SEC61A2: variants seen among roughly 807,000 people sequenced by gnomAD.
SEC61A2 encodes SEC61 translocon subunit alpha 2, also known as protein transport protein Sec61 subunit alpha isoform 2.
SEC61A2 carries 28 observed loss-of-function variants against 59.9 expected under a neutral mutation model. That is an observed-to-expected ratio of 0.47 (90% confidence interval 0.35 to 0.64). The LOEUF is 0.64. Ranked by LOEUF, SEC61A2 falls within the 30% of genes least tolerant of loss-of-function variation. SEC61A2 has a pLI of 0.01. For missense variants in SEC61A2, 340 were observed against 585.9 expected (o/e 0.58, Z 4.33); for synonymous variants, 202 against 214.4 (o/e 0.94, Z 0.50).
Position 12,164,691 on chromosome 10 carries a change from T to C in SEC61A2, c.*237T>C. 7.7e-7 allele frequency: 1 copy of C among 1,299,356 alleles called. No individual in the cohort carries two copies. Among genetic ancestry groups the C allele is most frequent in the Non-Finnish European group, 9.7e-7 (1 of 1,026,106 alleles). The allele number at this position is 1,299,356 out of a possible 1,614,324, so 80.5% of individuals were successfully genotyped here. A position where few individuals can be genotyped will look rare whatever the true frequency, so the allele number is the denominator to read the frequency against. The stretch of plus-strand genomic sequence containing the variant: ...AAAGTACATCTAGTGTTGCCTGTAA[T>C]GCTGGAAACCAGTGTATCTACCTTG... On this transcript the variant is annotated 3_prime_UTR_variant, in exon 12 of 12. Transcript: ENST00000298428. The surrounding 1 kb of genome is among the most constrained non-coding windows in gnomAD (Gnocchi z 7.3).
At position 12,164,140 on chromosome 10, in the gene SEC61A2, T is replaced by C; in HGVS notation, c.1245-128T>C. 9.7e-7 allele frequency: 1 copy of C among 1,034,138 alleles called. No homozygotes were observed. Among genetic ancestry groups the C allele is most frequent in the South Asian group, 1.6e-5 (1 of 63,372 alleles). The allele number at this position is 1,034,138 out of a possible 1,614,324, so 64.1% of individuals were successfully genotyped here. On this transcript the variant is annotated intron_variant, in intron 11 of 11. Coordinates refer to ENST00000298428, the MANE Select transcript of SEC61A2 (RefSeq NM_018144.4). This position sits in a 1 kb window ranked among gnomAD's most constrained non-coding sequence, Gnocchi z 7.3. ...CTGCACACCCCTCCACACTGCAGCC[T>C]GTTCCCTCTGGAGTTCAGGGAGGCT...
intron 6 of SEC61A2, among the ~76,000 whole-genome samples, chr10:12,151,115 C>G (rs771269638): frequency 2.0e-5 from 3 of 150,956 alleles, no homozygotes; most frequent in Non-Finnish European, 4.4e-5. Flanking sequence ...AGCTATTTCT[C>G]TATTGTACAA....
At chr10:12,151,691 A>AT (rs1403527756) in intron 6 of SEC61A2, among the ~76,000 whole-genome samples, 3 of 152,190 alleles carry the variant, frequency 2.0e-5, no homozygotes, top group Admixed American at 1.3e-4. Flanking sequence ...CCAGTTTATT[A>AT]ATATATACAT....
At position 12,139,964 on chromosome 10, in the gene SEC61A2, A is replaced by G. The variant is rs896941051; in HGVS notation, c.142-3153A>G. On this transcript the variant is annotated intron_variant, in intron 3 of 11. Coordinates refer to ENST00000298428, the MANE Select transcript of SEC61A2 (RefSeq NM_018144.4). Reference sequence around the variant, plus strand: ...AGCCTGGGCGACAGAGCGAGACTCCATCTCAAAAAAAAAAAAAAAAAAGAA... The same window carrying G: ...AGCCTGGGCGACAGAGCGAGACTCCGTCTCAAAAAAAAAAAAAAAAAAGAA... Among the ~76,000 whole-genome samples, 384 of 146,270 alleles carry G rather than the reference A, an allele frequency of 2.6e-3. 1 individual carries two copies. The highest frequency in any genetic ancestry group is 4.0e-3 in the Non-Finnish European group (269 of 66,430).
In SEC61A2 at chr10:12,158,053, T is replaced by C; in HGVS notation, c.923T>C (p.Leu308Pro). ...VSNLYVISQM[L>P]SVRFSGNFLV... ...AACCTGTATGTTATTTCCCAGATGC[T>C]GTCTGTTCGATTTAGTGGCAACTTT... Residue 308 changes from leucine (L) to proline (P), a missense_variant, in exon 9 of 12, where the codon CTG becomes CCG. This residue lies in a region of SEC61A2 where 283 missense variants were observed against 483.2 expected (regional missense o/e 0.59). Coordinates refer to ENST00000298428, the MANE Select transcript of SEC61A2 (RefSeq NM_018144.4). This position sits in a 1 kb window ranked among gnomAD's most constrained non-coding sequence, Gnocchi z 5.7. 1 of 1,614,214 alleles carries C rather than the reference T, an allele frequency of 6.2e-7. No individual in the cohort carries two copies. Among genetic ancestry groups the C allele is most frequent in the Non-Finnish European group, 8.5e-7 (1 of 1,180,044 alleles).
At chr10:12,134,162 A>G (rs1833827798) in intron 2 of SEC61A2, among the ~76,000 whole-genome samples, 1 of 152,084 alleles carries the variant, frequency 6.6e-6, no homozygotes, top group African/African-American at 2.4e-5. Flanking sequence ...GCCCACCACC[A>G]TGCCCGGCTA....
In SEC61A2 at chr10:12,155,386, G is replaced by T; in HGVS notation, c.463-392G>T. 1 of 1,534,582 alleles carries T rather than the reference G, an allele frequency of 6.5e-7. No individual in the cohort carries two copies. Among genetic ancestry groups the T allele is most frequent in the South Asian group, 1.2e-5 (1 of 80,778 alleles). Reference sequence around the variant, plus strand: ...CTTGCTATTATACCAGAATTCATCTGACTTTTTACTTCCTTGGAGGTATTT... The same window carrying T: ...CTTGCTATTATACCAGAATTCATCTTACTTTTTACTTCCTTGGAGGTATTT... On this transcript the variant is annotated intron_variant, in intron 6 of 11. Transcript: ENST00000298428. This position sits in a 1 kb window ranked among gnomAD's most constrained non-coding sequence, Gnocchi z 4.3.
At chr10:12,165,623 A>C (rs1461423041), downstream of SEC61A2, 2 of 152,454 alleles carry the variant, frequency 1.3e-5, no homozygotes, top group African/African-American at 4.8e-5. Flanking sequence ...CCCAGTCTCC[A>C]TTTGAAAGAG....
At position 12,158,014 on chromosome 10, in the gene SEC61A2, C is replaced by A; in HGVS notation, c.884C>A (p.Ser295Ter). The A allele has an allele frequency of 6.2e-7, 1 of 1,614,182 alleles. No homozygotes were observed. The highest frequency in any genetic ancestry group is 8.5e-7 in the Non-Finnish European group (1 of 1,180,036). ...YTSNIPIILQ[S>*]ALVSNLYVIS... ...TCCAACATCCCCATCATCCTCCAGTCGGCCCTGGTGTCCAACCTGTATGTT... is the reference window on the plus strand; with the variant it reads ...TCCAACATCCCCATCATCCTCCAGTAGGCCCTGGTGTCCAACCTGTATGTT... The change falls in exon 9 of 12, where the codon TCG becomes TAG. Residue 295 changes from serine to a stop codon, truncating the protein, a stop_gained. Coordinates refer to ENST00000298428, the MANE Select transcript of SEC61A2 (RefSeq NM_018144.4). LOFTEE classifies it high-confidence loss of function. The surrounding 1 kb of genome is among the most constrained non-coding windows in gnomAD (Gnocchi z 5.7).
chr10:12,169,620 G>A (rs1479283585), downstream of SEC61A2: 2 of 276,030 alleles, frequency 7.2e-6, no homozygotes, highest in East Asian at 7.1e-5. The surrounding 1 kb of genome is among the most constrained non-coding windows in gnomAD (Gnocchi z 4.8). Flanking sequence ...GAGCTGTCGA[G>A]GTGGCTTCTA....
intron 3 of SEC61A2, among the ~76,000 whole-genome samples, chr10:12,139,781 C>T (rs1201652021): frequency 1.3e-5 from 2 of 151,080 alleles, no homozygotes. Context: ...GAGACTCCGT[C>T]TCAAAAAATA....
At chr10:12,159,079 GC>G (rs1834472894) in intron 9 of SEC61A2, among the ~76,000 whole-genome samples, 1 of 151,204 alleles carries the variant, frequency 6.6e-6, no homozygotes, top group Non-Finnish European at 1.5e-5. Flanking sequence ...CCGGGTTCAT[GC>G]CATTCTCCTG....
chr10:12,156,947 G>A lies in SEC61A2; in HGVS notation c.657G>A (p.Leu219=). The part of the protein sequence containing the change: ...FEGAVIALFH[L]LATRTDKVRA... ...GTGCAGTCATAGCTCTGTTCCATTT[G>A]TTGGCCACCAGGACGGACAAAGTCC... Residue 219 remains leucine, a synonymous_variant, in exon 8 of 12, where the codon TTG becomes TTA. Transcript: ENST00000298428. This position sits in a 1 kb window ranked among gnomAD's most constrained non-coding sequence, Gnocchi z 5.2. 1 of 1,613,974 alleles carries A rather than the reference G, an allele frequency of 6.2e-7. No individual in the cohort carries two copies. The highest frequency in any genetic ancestry group is 8.5e-7 in the Non-Finnish European group (1 of 1,179,886).
chr10:12,158,154 T>C lies in SEC61A2; in HGVS notation c.975+49T>C, dbSNP rs1458426864. The C allele has an allele frequency of 2.1e-6, 3 of 1,439,980 alleles. No homozygotes were observed. The African/African-American group carries it at 4.3e-5, about 21-fold the overall frequency. The allele number at this position is 1,439,980 out of a possible 1,614,324, so 89.2% of individuals were successfully genotyped here. On this transcript the variant is annotated intron_variant, in intron 9 of 11. Transcript: ENST00000298428. This position sits in a 1 kb window ranked among gnomAD's most constrained non-coding sequence, Gnocchi z 5.7. Reference sequence around the variant, plus strand: ...TATTTATAGTTTATTATAATTTGCATTTCATGGTTGTATTTTTAATGGAAT... The same window carrying C: ...TATTTATAGTTTATTATAATTTGCACTTCATGGTTGTATTTTTAATGGAAT...
intron 1 of SEC61A2, among the ~76,000 whole-genome samples, chr10:12,131,394 C>T (rs1833734661): frequency 6.6e-6 from 1 of 152,130 alleles, no homozygotes; most frequent in Non-Finnish European, 1.5e-5. Flanking sequence ...ACATTGCAGA[C>T]CCTTTGGCAA....
chr10:12,169,201 T>C (rs2131696427), downstream of SEC61A2: 13 of 1,177,640 alleles, frequency 1.1e-5, no homozygotes, highest in South Asian at 1.5e-4. The surrounding 1 kb of genome is among the most constrained non-coding windows in gnomAD (Gnocchi z 4.8). Context: ...TTTATAGCCA[T>C]AGTAGCCCTC....
In SEC61A2 at chr10:12,129,811, G is replaced by A. The variant is rs1308968208; in HGVS notation, c.7+17G>A. 1 of 1,418,418 alleles carries A rather than the reference G, an allele frequency of 7.1e-7. No homozygotes were observed. Among genetic ancestry groups the A allele is most frequent in the South Asian group, 1.4e-5 (1 of 69,458 alleles). 87.9% of individuals were successfully genotyped at this position (1,418,418 alleles called of 1,614,324 possible). On this transcript the variant is annotated intron_variant, in intron 1 of 11. Coordinates refer to ENST00000298428, the MANE Select transcript of SEC61A2 (RefSeq NM_018144.4). This position sits in a 1 kb window ranked among gnomAD's most constrained non-coding sequence, Gnocchi z 5.6. ...CCATGGGCAGTGAGTAGCGGCGGCTGGAGCGGGGACTCTGGCTGGGAACGC... is the reference window on the plus strand; with the variant it reads ...CCATGGGCAGTGAGTAGCGGCGGCTAGAGCGGGGACTCTGGCTGGGAACGC...
Position 12,154,538 on chromosome 10 carries a change from C to T in SEC61A2, c.463-1240C>T, listed in dbSNP as rs1834353445. Among the ~76,000 whole-genome samples the T allele has an allele frequency of 2.6e-5, 4 of 152,130 alleles. No individual in the cohort carries two copies. Among genetic ancestry groups the T allele is most frequent in the Admixed American group, 1.3e-4 (2 of 15,264 alleles). The stretch of plus-strand genomic sequence containing the variant: ...TTACATGATTGTGGTTAAATAGAAT[C>T]GGTAGTAAGTCCTAACCTCTACATT... On this transcript the variant is annotated intron_variant, in intron 6 of 11. Coordinates refer to ENST00000298428, the MANE Select transcript of SEC61A2 (RefSeq NM_018144.4). This position sits in a 1 kb window ranked among gnomAD's most constrained non-coding sequence, Gnocchi z 5.2.
At chr10:12,169,445 G>A (rs1025271758), downstream of SEC61A2, 25 of 710,106 alleles carry the variant, frequency 3.5e-5, no homozygotes, top group African/African-American at 4.5e-4. This position sits in a 1 kb window ranked among gnomAD's most constrained non-coding sequence, Gnocchi z 4.8. Context: ...AGAGGCTACA[G>A]AACCTGTTTG....
Sources: allele counts gnomAD v4.1 joint callset (sites outside exome capture counted in the v4.1 genomes callset), GRCh38; gene constraint gnomAD v4.1.1; regional missense constraint gnomAD v4.1.1; non-coding constraint Gnocchi (gnomAD v3.1); transcripts MANE v1.5; gene names NCBI Gene and HGNC (gene_info 2026-07-23, HGNC 2026-07-21).